Variants in MCTP2 observed in about 807,000 individuals in gnomAD.
The protein encoded by MCTP2 is multiple C2 and transmembrane domain-containing protein 2.
Under a neutral mutation model 111.6 loss-of-function variants are expected in MCTP2, and 132 were observed. The observed-to-expected ratio is 1.18, with a 90% CI of 1.03 to 1.37. The LOEUF (loss-of-function observed/expected upper bound fraction) is 1.37. Ranked by LOEUF, MCTP2 falls within the 40% of genes most tolerant of loss-of-function variation. The probability of loss-of-function intolerance (pLI) is 0.00; values close to 1 mark genes in which losing one functional copy is unlikely to be tolerated. For missense variants in MCTP2, 1,183 were observed against 1,067.9 expected (o/e 1.11, Z -1.50); for synonymous variants, 395 against 387.7 (o/e 1.02, Z -0.22).
At chr15:94,458,292 C>T (rs2152526404) in intron 20 of MCTP2, 46 bp downstream of exon 20, 1 of 1,158,222 alleles carries the variant, frequency 8.6e-7, no homozygotes, top group Non-Finnish European at 1.3e-6. Flanking sequence ...GACCTGCTAT[C>T]CACAAGGACA....
At chr15:94,448,363 G>A (rs996543761) in intron 19 of MCTP2, among the ~76,000 whole-genome samples, 2 of 152,126 alleles carry the variant, frequency 1.3e-5, no homozygotes, top group Admixed American at 1.3e-4. Flanking sequence ...AATGTGATAT[G>A]CCAGACTCAA....
intron 14 of MCTP2, among the ~76,000 whole-genome samples, chr15:94,393,309 C>G (rs2152466553): frequency 6.6e-6 from 1 of 152,256 alleles, no homozygotes; most frequent in East Asian, 1.9e-4. Context: ...TAGGACTGTA[C>G]TGAAGGGCTT....
At chr15:94,392,689 G>C (rs796566465) in intron 14 of MCTP2, among the ~76,000 whole-genome samples, 1 of 151,810 alleles carries the variant, frequency 6.6e-6, no homozygotes, top group African/African-American at 2.4e-5. Flanking sequence ...GGTGGCATGC[G>C]CCTGTAATCC....
At chr15:94,270,820 G>C (rs553437825) in intron 1 of MCTP2, among the ~76,000 whole-genome samples, 1 of 152,122 alleles carries the variant, frequency 6.6e-6, no homozygotes, top group Non-Finnish European at 1.5e-5. Flanking sequence ...GTTTCCACTC[G>C]GTTGTTTCTC....
At chr15:94,259,005 CTAAAA>C (rs1319367075) in intron 1 of MCTP2, among the ~76,000 whole-genome samples, 3 of 152,104 alleles carry the variant, frequency 2.0e-5, no homozygotes, top group African/African-American at 2.4e-5. Flanking sequence ...TCAGCATACA[CTAAAA>C]TAGAGATTAA....
chr15:94,259,583 T>C lies in MCTP2; in HGVS notation c.-66+27919T>C, dbSNP rs76875425. Among the ~76,000 whole-genome samples the C allele has an allele frequency of 4.2e-3, 642 of 152,320 alleles. 3 individuals carry two copies. The highest frequency in any genetic ancestry group is 0.015 in the African/African-American group (606 of 41,560). On this transcript the variant is annotated intron_variant, in intron 1 of 22. Coordinates refer to ENST00000357742, the MANE Select transcript of MCTP2 (RefSeq NM_001385001.1). ...CATTAAGTTTGAATTGTGATATGTT[T>C]GATGATGAAATACTGTCTCCAAACC...
rs569722067 is a variant in MCTP2, at chr15:94,412,530, G to GGAT, written c.2085+10526_2085+10528dup. 9.9e-4 allele frequency among the ~76,000 whole-genome samples: 151 copies of GGAT among 152,168 alleles called. 1 individual carries two copies. The highest frequency in any genetic ancestry group is 2.0e-3 in the Non-Finnish European group (135 of 67,984). ...ATAACGATGATCACAATGATGACAA[G>GGAT]GATGATGATGATGATGAACGGTGTT... On this transcript the variant is annotated intron_variant, in intron 17 of 22. Transcript: ENST00000357742.
chr15:94,251,815 A>C (rs1045094530), intron 1 of MCTP2, among the ~76,000 whole-genome samples: 2 of 152,146 alleles, frequency 1.3e-5, no homozygotes, highest in African/African-American at 4.8e-5. Flanking sequence ...TGCCCCTGAC[A>C]GCCATCATTC....
At position 94,339,117 on chromosome 15, in the gene MCTP2, C is replaced by T. The variant is rs538343934; in HGVS notation, c.638-173C>T. Reference sequence around the variant, plus strand: ...TATTCTACCACTAAAGGGAAAAAATCGTTCATTTACCCCAAATTCTTTCAT... The same window carrying T: ...TATTCTACCACTAAAGGGAAAAAATTGTTCATTTACCCCAAATTCTTTCAT... On this transcript the variant is annotated intron_variant, in intron 4 of 22. Coordinates refer to ENST00000357742, the MANE Select transcript of MCTP2 (RefSeq NM_001385001.1). Among the ~76,000 whole-genome samples the T allele has an allele frequency of 1.1e-3, 161 of 152,276 alleles. 2 individuals are homozygous for T. The South Asian group carries it at 0.03, about 28-fold the overall frequency.
chr15:94,315,485 G>T, intron 3 of MCTP2, 44 bp from the exon 4 acceptor site: 2 of 1,396,554 alleles, frequency 1.4e-6, no homozygotes, highest in Non-Finnish European at 1.0e-6. Context: ...TCTCTTGCTT[G>T]GGCCCAAGAC....
At position 94,235,467 on chromosome 15, in the gene MCTP2, A is replaced by G. The variant is rs114473829; in HGVS notation, c.-66+3803A>G. On this transcript the variant is annotated intron_variant, in intron 1 of 22. Transcript: ENST00000357742. ...TGGTGCATGCTAAAATCTGAAAACC[A>G]CTGGTCTTAATATTTAAGAGAACAG... is the stretch of plus-strand genomic sequence containing the variant. 9.1e-3 allele frequency among the ~76,000 whole-genome samples: 1,387 copies of G among 152,246 alleles called. 22 individuals carry two copies. The highest frequency in any genetic ancestry group is 0.032 in the African/African-American group (1,324 of 41,546).
At chr15:94,310,209 T>C (rs1048929017) in intron 2 of MCTP2, among the ~76,000 whole-genome samples, 54 of 152,222 alleles carry the variant, frequency 3.5e-4, no homozygotes, top group African/African-American at 1.0e-3. Flanking sequence ...GATTCCAGTC[T>C]CAAACATTTA....
chr15:94,432,248 T>C (rs1215647514), intron 17 of MCTP2, among the ~76,000 whole-genome samples: 2 of 152,146 alleles, frequency 1.3e-5, no homozygotes, highest in Admixed American at 6.5e-5. Flanking sequence ...TGGTTTGTGG[T>C]GTAGGAATGG....
At position 94,449,586 on chromosome 15, in the gene MCTP2, A is replaced by G. The variant is rs927071800; in HGVS notation, c.2250+6626A>G. On this transcript the variant is annotated intron_variant, in intron 19 of 22. Coordinates refer to ENST00000357742, the MANE Select transcript of MCTP2 (RefSeq NM_001385001.1). Reference sequence around the variant, plus strand: ...AATTACAACCATAAACAAGGTGCTCATAGTAAACAACCCCAGTTCCCTAGG... The same window carrying G: ...AATTACAACCATAAACAAGGTGCTCGTAGTAAACAACCCCAGTTCCCTAGG... Among the ~76,000 whole-genome samples the G allele has an allele frequency of 2.6e-5, 4 of 152,360 alleles. No homozygotes were observed. The East Asian group carries it at 7.7e-4, about 29-fold the overall frequency.
At chr15:94,280,745 A>T (rs1051393389) in intron 1 of MCTP2, among the ~76,000 whole-genome samples, 3 of 152,082 alleles carry the variant, frequency 2.0e-5, no homozygotes, top group African/African-American at 7.2e-5. Context: ...ACACACTTTC[A>T]TCTTAAACTC....
intron 17 of MCTP2, among the ~76,000 whole-genome samples, chr15:94,433,497 C>T (rs972938282): frequency 6.6e-6 from 1 of 152,124 alleles, no homozygotes; most frequent in East Asian, 1.9e-4. Flanking sequence ...TATTGTTCTA[C>T]TGTGTGGATA....
At chr15:94,467,599 TA>T in intron 20 of MCTP2, among the ~76,000 whole-genome samples, 1 of 152,070 alleles carries the variant, frequency 6.6e-6, no homozygotes, top group South Asian at 2.1e-4. Context: ...TTGCAGAGTA[TA>T]AATCTAATTA....
chr15:94,309,461 C>T (rs1044458802), intron 2 of MCTP2, among the ~76,000 whole-genome samples: 8 of 152,090 alleles, frequency 5.3e-5, no homozygotes, highest in Non-Finnish European at 8.8e-5. Flanking sequence ...TGTTTTCTTC[C>T]TCTGAAATGT....
In MCTP2 at chr15:94,314,326, A is replaced by G. The variant is rs774614863; in HGVS notation, c.510A>G (p.Gln170=). 6 of 1,608,268 alleles carry G rather than the reference A, an allele frequency of 3.7e-6. No homozygotes were observed. Among genetic ancestry groups the G allele is most frequent in the South Asian group, 2.2e-5 (2 of 90,252 alleles). ...SSDLNASMTS[Q]HFEEQSVPGE... ...ACCTGAATGCTTCTATGACATCTCA[A>G]CATTTTGAAGAACAATCTGTGAGTG... The change falls in exon 3 of 23, where the codon CAA becomes CAG. Residue 170 remains glutamine (Q), a synonymous_variant. Coordinates refer to ENST00000357742, the MANE Select transcript of MCTP2 (RefSeq NM_001385001.1).
Sources: gnomAD v4.1 joint callset for allele counts (sites outside exome capture counted in the v4.1 genomes callset) on GRCh38, gnomAD v4.1.1 for gene constraint, MANE v1.5 for transcripts, NCBI Gene and HGNC (gene_info 2026-07-23, HGNC 2026-07-21) for gene names.